Variants in RAPGEF2 observed in about 807,000 individuals in gnomAD.
The protein encoded by RAPGEF2 is Rap guanine nucleotide exchange factor 2, also known as PDZ domain containing guanine nucleotide exchange factor (GEF) 1.
RAPGEF2 carries 54 observed loss-of-function variants against 186.7 expected under a neutral mutation model. The ratio of observed to expected loss-of-function variants is 0.29; its 90% confidence interval spans 0.23 to 0.36. RAPGEF2 has a LOEUF of 0.36. RAPGEF2 is among the 10% of genes least tolerant of loss of function. The pLI is 1.00. For missense variants in RAPGEF2, 1,532 were observed against 2,045.0 expected, an observed-to-expected ratio of 0.75 and a Z score of 4.84; for synonymous variants, 712 against 705.9, an observed-to-expected ratio of 1.01 and a Z score of -0.14.
At chr4:159,324,318 A>G (rs894390375) in intron 11 of RAPGEF2, among the ~76,000 whole-genome samples, 4 of 152,132 alleles carry the variant, frequency 2.6e-5, no homozygotes, top group Admixed American at 1.3e-4. Flanking sequence ...GTGAGCCACC[A>G]TGCCTGGCAC....
At position 159,113,903 on chromosome 4, in the gene RAPGEF2, C is replaced by A. The variant is rs116120547; in HGVS notation, c.69+9672C>A. On this transcript the variant is annotated intron_variant, in intron 1 of 29. Coordinates refer to ENST00000691494, the MANE Select transcript of RAPGEF2 (RefSeq NM_001394067.2). The stretch of plus-strand genomic sequence containing the variant: ...TTGGGGAAACTTGAAAGCACACACA[C>A]ACATAATAGCTAATAAATAAATGGA... Among the ~76,000 whole-genome samples the A allele has an allele frequency of 8.5e-3, 1,286 of 152,064 alleles. 23 individuals carry two copies. The highest frequency in any genetic ancestry group is 0.029 in the African/African-American group (1,222 of 41,464).
At chr4:159,240,879 T>C in intron 5 of RAPGEF2, 1 of 245,932 alleles carries the variant, frequency 4.1e-6, no homozygotes, top group Non-Finnish European at 7.8e-6. Context: ...TAATGTGTGG[T>C]AATGTATCCT....
intron 28 of RAPGEF2, among the ~76,000 whole-genome samples, chr4:159,355,643 T>C (rs1424299730): frequency 2.6e-5 from 4 of 152,166 alleles, no homozygotes; most frequent in Admixed American, 2.6e-4. Context: ...TCACCAATTA[T>C]TTCACCACAC....
chr4:159,140,907 C>G (rs2111162471), intron 1 of RAPGEF2, among the ~76,000 whole-genome samples: 1 of 151,768 alleles, frequency 6.6e-6, no homozygotes, highest in East Asian at 1.9e-4. Flanking sequence ...TCTCAGCTCA[C>G]TGCAACCTCT....
intron 1 of RAPGEF2, among the ~76,000 whole-genome samples, chr4:159,105,114 GA>G (rs1382886281): frequency 6.6e-6 from 1 of 152,204 alleles, no homozygotes; most frequent in Non-Finnish European, 1.5e-5. Context: ...TTTTACTGGA[GA>G]GGGGGAAATT....
At chr4:159,351,185 G>T in intron 26 of RAPGEF2, 1 of 1,533,354 alleles carries the variant, frequency 6.5e-7, no homozygotes, top group Non-Finnish European at 8.7e-7. Context: ...GGGATAGGTG[G>T]GGTTTATAGA....
At chr4:159,176,674 G>A (rs116284804) in intron 1 of RAPGEF2, among the ~76,000 whole-genome samples, 90 of 152,220 alleles carry the variant, frequency 5.9e-4, no homozygotes, top group Non-Finnish European at 1.1e-3. Flanking sequence ...TCCAAGAACG[G>A]TGCTAAATTA....
chr4:159,254,397 C>A (rs931176719), intron 7 of RAPGEF2, among the ~76,000 whole-genome samples: 1 of 152,100 alleles, frequency 6.6e-6, no homozygotes, highest in African/African-American at 2.4e-5. Flanking sequence ...TCTTGGGGAC[C>A]CTCAGGGGTC....
At chr4:159,126,315 T>C (rs977273362) in intron 1 of RAPGEF2, among the ~76,000 whole-genome samples, 13 of 152,226 alleles carry the variant, frequency 8.5e-5, no homozygotes, top group Admixed American at 2.6e-4. Context: ...AAATACAAAA[T>C]AGCATAGGAG....
At chr4:159,178,846 A>G (rs1746734881) in intron 1 of RAPGEF2, among the ~76,000 whole-genome samples, 1 of 152,186 alleles carries the variant, frequency 6.6e-6, no homozygotes, top group Non-Finnish European at 1.5e-5. Flanking sequence ...GGCGTGAGCC[A>G]CCACGCCTGA....
intron 1 of RAPGEF2, among the ~76,000 whole-genome samples, chr4:159,136,677 G>A (rs2111149723): frequency 6.6e-6 from 1 of 152,216 alleles, no homozygotes; most frequent in Non-Finnish European, 1.5e-5. Flanking sequence ...ATGTTGAATT[G>A]AATTGAAATG....
At chr4:159,181,762 C>T (rs1747037866) in intron 1 of RAPGEF2, among the ~76,000 whole-genome samples, 2 of 152,078 alleles carry the variant, frequency 1.3e-5, no homozygotes, top group African/African-American at 4.8e-5. Flanking sequence ...GTCTCGATCT[C>T]CTGACCTCAG....
At chr4:159,340,364 C>T (rs556623747) in intron 19 of RAPGEF2, among the ~76,000 whole-genome samples, 15 of 152,134 alleles carry the variant, frequency 9.9e-5, no homozygotes, top group African/African-American at 9.6e-5. Context: ...TCTGGAACCA[C>T]GATAGAGTTT....
At chr4:159,199,055 C>T (rs1749112270) in intron 3 of RAPGEF2, among the ~76,000 whole-genome samples, 1 of 103,130 alleles carries the variant, frequency 9.7e-6, no homozygotes, top group Non-Finnish European at 1.9e-5. Flanking sequence ...GAGACCCTGT[C>T]TCAAAAAAAA....
chr4:159,328,213 A>G (rs748874962), intron 11 of RAPGEF2: 20 of 152,184 alleles, frequency 1.3e-4, no homozygotes, highest in Non-Finnish European at 2.6e-4. Context: ...AAAGAAATAA[A>G]ATATTTTTTA....
At chr4:159,203,174 GA>G (rs2111349478) in intron 3 of RAPGEF2, among the ~76,000 whole-genome samples, 1 of 152,266 alleles carries the variant, frequency 6.6e-6, no homozygotes, top group Non-Finnish European at 1.5e-5. Flanking sequence ...CCACCTTGTG[GA>G]TCTCTAGGAT....
chr4:159,244,470 C>T (rs1754374751), intron 7 of RAPGEF2, among the ~76,000 whole-genome samples: 1 of 151,838 alleles, frequency 6.6e-6, no homozygotes, highest in Non-Finnish European at 1.5e-5. Context: ...AAGTACATTA[C>T]TAAAGTACTG....
intron 1 of RAPGEF2, among the ~76,000 whole-genome samples, chr4:159,144,678 T>C (rs186684260): frequency 4.6e-5 from 7 of 152,310 alleles, no homozygotes; most frequent in South Asian, 4.1e-4. Context: ...TGGGATGTTA[T>C]TATCTTTTCA....
intron 4 of RAPGEF2, among the ~76,000 whole-genome samples, chr4:159,237,926 G>A (rs570589973): frequency 1.3e-4 from 19 of 151,304 alleles, no homozygotes; most frequent in Non-Finnish European, 2.7e-4. Context: ...TCTGAGGCAG[G>A]AGGGTTGCTT....
Sources: allele counts gnomAD v4.1 joint callset (sites outside exome capture counted in the v4.1 genomes callset), GRCh38; gene constraint gnomAD v4.1.1; transcripts MANE v1.5; gene names NCBI Gene and HGNC (gene_info 2026-07-23, HGNC 2026-07-21).